LSAMP: variants seen among roughly 807,000 people sequenced by gnomAD.
LSAMP encodes limbic system-associated membrane protein.
A neutral mutation model predicts 38.6 loss-of-function variants in LSAMP; 7 were observed. The observed-to-expected ratio is 0.18, with a 90% CI of 0.10 to 0.34. The LOEUF (loss-of-function observed/expected upper bound fraction) is 0.34, where lower values mean the gene tolerates loss of function less well. LSAMP is among the 10% of genes least tolerant of loss of function. The pLI is 1.00. For synonymous variants in LSAMP, 154 were observed against 166.8 expected, an observed-to-expected ratio of 0.92 and a Z score of 0.59; for missense variants, 313 against 420.0, an observed-to-expected ratio of 0.75 and a Z score of 2.23.
At chr3:116,265,112 G>A (rs1029559037) in intron 1 of LSAMP, among the ~76,000 whole-genome samples, 2 of 151,930 alleles carry the variant, frequency 1.3e-5, no homozygotes, top group African/African-American at 4.8e-5. Flanking sequence ...ATTACCCAGC[G>A]ATTTTGAAGG....
At chr3:116,144,333 G>C (rs1048089719) in intron 1 of LSAMP, among the ~76,000 whole-genome samples, 1 of 151,816 alleles carries the variant, frequency 6.6e-6, no homozygotes, top group African/African-American at 2.4e-5. Flanking sequence ...GACCAGCCTG[G>C]GTAATATAGT....
intron 1 of LSAMP, among the ~76,000 whole-genome samples, chr3:116,399,924 T>C (rs572304895): frequency 1.4e-3 from 211 of 152,294 alleles, no homozygotes; most frequent in Non-Finnish European, 1.2e-3. Flanking sequence ...TGTGTGTTTC[T>C]GAGCTTGGTG....
rs563305090 is a variant in LSAMP, at chr3:116,032,636, A to G, written c.389-12996T>C. ...CATGGCAAGATCTCATCTCTATGAA[A>G]AATTTATGGAAAAAAAATTAGCTGG... is the stretch of plus-strand genomic sequence containing the variant. On this transcript the variant is annotated intron_variant, in intron 2 of 6. Transcript: ENST00000490035. 3.3e-5 allele frequency among the ~76,000 whole-genome samples: 5 copies of G among 152,164 alleles called. No homozygotes were observed. The East Asian group carries it at 9.7e-4, about 29-fold the overall frequency.
At chr3:116,100,516 C>T (rs1371460515) in intron 1 of LSAMP, among the ~76,000 whole-genome samples, 1 of 151,972 alleles carries the variant, frequency 6.6e-6, no homozygotes, top group Non-Finnish European at 1.5e-5. Context: ...ATAAATTGAC[C>T]TCTACTCTCC....
intron 3 of LSAMP, among the ~76,000 whole-genome samples, chr3:115,901,194 C>T (rs1936865353): frequency 6.6e-6 from 1 of 152,038 alleles, no homozygotes; most frequent in South Asian, 2.1e-4. Flanking sequence ...AGAGTCTGTG[C>T]TTAATCTGTC....
intron 2 of LSAMP, among the ~76,000 whole-genome samples, chr3:116,027,886 C>T (rs565247560): frequency 1.3e-5 from 2 of 152,102 alleles, no homozygotes; most frequent in Non-Finnish European, 2.9e-5. Flanking sequence ...TTCAAAGTGC[C>T]ATTTCTAATG....
chr3:115,950,113 C>T (rs1347802320), intron 3 of LSAMP, among the ~76,000 whole-genome samples: 1 of 151,956 alleles, frequency 6.6e-6, no homozygotes, highest in Non-Finnish European at 1.5e-5. Context: ...TATGACAAAC[C>T]CACAGCCAAC....
chr3:116,320,828 G>A (rs2047697855), intron 1 of LSAMP, among the ~76,000 whole-genome samples: 1 of 152,034 alleles, frequency 6.6e-6, no homozygotes, highest in Admixed American at 6.5e-5. Flanking sequence ...TTTCATACTT[G>A]GGTAAATTTA....
chr3:115,941,138 A>AT (rs1053928484), intron 3 of LSAMP, among the ~76,000 whole-genome samples: 5 of 152,124 alleles, frequency 3.3e-5, no homozygotes, highest in African/African-American at 1.2e-4. Flanking sequence ...CTGAATAGAC[A>AT]TTTTTTCCAA....
chr3:116,320,620 G>T (rs1168547932), intron 1 of LSAMP, among the ~76,000 whole-genome samples: 1 of 152,060 alleles, frequency 6.6e-6, no homozygotes. Flanking sequence ...ACAAAGCTTA[G>T]ATTTAGTAAT....
chr3:115,873,935 G>C (rs937338075), intron 3 of LSAMP, among the ~76,000 whole-genome samples: 4 of 152,144 alleles, frequency 2.6e-5, no homozygotes, highest in East Asian at 1.9e-4. Flanking sequence ...ATCAGTCTAT[G>C]ATGGTGCATT....
intron 3 of LSAMP, among the ~76,000 whole-genome samples, chr3:115,930,910 T>C (rs1265598090): frequency 6.6e-6 from 1 of 152,198 alleles, no homozygotes; most frequent in African/African-American, 2.4e-5. Flanking sequence ...TTTACTTTTA[T>C]TTTTTCTATC....
chr3:116,044,467 G>A (rs985211519), intron 2 of LSAMP, among the ~76,000 whole-genome samples: 1 of 151,998 alleles, frequency 6.6e-6, no homozygotes, highest in African/African-American at 2.4e-5. Flanking sequence ...GATAAATGTG[G>A]CCATGAAGCT....
intron 3 of LSAMP, among the ~76,000 whole-genome samples, chr3:116,017,493 A>G (rs1384548154): frequency 6.6e-6 from 1 of 152,164 alleles, no homozygotes; most frequent in Admixed American, 6.6e-5. Flanking sequence ...TAATGGTAAG[A>G]AAACAAGATG....
intron 1 of LSAMP, among the ~76,000 whole-genome samples, chr3:116,256,805 G>GAT (rs2046757162): frequency 1.3e-5 from 2 of 151,474 alleles, no homozygotes; most frequent in East Asian, 1.9e-4. Flanking sequence ...GAGGAGGAGA[G>GAT]AGGATGAATC....
At chr3:116,084,277 A>G (rs1182894078) in intron 2 of LSAMP, among the ~76,000 whole-genome samples, 3 of 152,092 alleles carry the variant, frequency 2.0e-5, no homozygotes, top group Admixed American at 6.5e-5. Flanking sequence ...AGGAAGGTAC[A>G]TGCAGTATCT....
intron 1 of LSAMP, among the ~76,000 whole-genome samples, chr3:116,135,740 CCTT>C (rs1489774404): frequency 1.2e-4 from 19 of 152,144 alleles, no homozygotes; most frequent in African/African-American, 4.1e-4. Flanking sequence ...AGTGGTACCT[CCTT>C]CATTTATTTT....
intron 2 of LSAMP, among the ~76,000 whole-genome samples, chr3:116,071,836 G>A (rs1324592807): frequency 2.0e-5 from 3 of 152,158 alleles, no homozygotes; most frequent in Non-Finnish European, 4.4e-5. Flanking sequence ...ACTTACAAGT[G>A]AGAACATGCA....
intron 3 of LSAMP, among the ~76,000 whole-genome samples, chr3:116,003,649 C>T (rs1044572186): frequency 1.3e-5 from 2 of 152,024 alleles, no homozygotes; most frequent in South Asian, 2.1e-4. Context: ...CCTGGATTAA[C>T]GCTGAATCCT....
Sources: gnomAD v4.1 joint callset for allele counts (sites outside exome capture counted in the v4.1 genomes callset) on GRCh38, gnomAD v4.1.1 for gene constraint, MANE v1.5 for transcripts, NCBI Gene and HGNC (gene_info 2026-07-23, HGNC 2026-07-21) for gene names.